Variants in DIP2C observed in about 807,000 individuals in gnomAD.
The protein encoded by DIP2C is disco-interacting protein 2 homolog C.
A neutral mutation model predicts 192.4 loss-of-function variants in DIP2C; 33 were observed. The ratio of observed to expected loss-of-function variants is 0.17; its 90% CI spans 0.13 to 0.23. The LOEUF (loss-of-function observed/expected upper bound fraction) is 0.23. Among genes scored for constraint, DIP2C ranks in the 10% least tolerant of loss-of-function variants. DIP2C has a pLI of 1.00. For synonymous variants in DIP2C, 979 were observed against 864.1 expected (o/e 1.13, Z -2.33); for missense variants, 1,537 against 2,110.1 (o/e 0.73, Z 5.32).
chr10:469,838 T>C (rs899734715), intron 3 of DIP2C, among the ~76,000 whole-genome samples: 1 of 152,224 alleles, frequency 6.6e-6, no homozygotes, highest in Admixed American at 6.5e-5. Context: ...CAGCCGCTCC[T>C]ACCTAACTTC....
At chr10:467,569 A>G (rs1394061978) in intron 3 of DIP2C, among the ~76,000 whole-genome samples, 8 of 146,158 alleles carry the variant, frequency 5.5e-5, no homozygotes, top group Non-Finnish European at 8.9e-5. Flanking sequence ...TAAGTGTAAA[A>G]AAAAAAAAAA....
At chr10:662,420 T>C (rs3853290) in intron 1 of DIP2C, among the ~76,000 whole-genome samples, 137,840 of 152,304 alleles carry the variant, frequency 0.91, 62,964 homozygotes, top group South Asian at 0.97. Context: ...CTCCTGGATG[T>C]TCAAGGTGAC....
At chr10:670,530 G>A (rs1830581943) in intron 1 of DIP2C, among the ~76,000 whole-genome samples, 1 of 152,142 alleles carries the variant, frequency 6.6e-6, no homozygotes, top group South Asian at 2.1e-4. Context: ...ATAGGGGGAC[G>A]GCTGCACATC....
At chr10:504,890 A>C (rs1299240447) in intron 1 of DIP2C, among the ~76,000 whole-genome samples, 2 of 152,130 alleles carry the variant, frequency 1.3e-5, no homozygotes, top group African/African-American at 4.8e-5. Flanking sequence ...TCATACTCAG[A>C]GAAGAGGTGA....
intron 31 of DIP2C, among the ~76,000 whole-genome samples, chr10:325,934 C>T (rs1377850693): frequency 6.6e-6 from 1 of 152,116 alleles, no homozygotes; most frequent in Non-Finnish European, 1.5e-5. Flanking sequence ...GTAATCCCAG[C>T]ACTTTGGGAG....
chr10:472,871 G>A (rs114077488), intron 2 of DIP2C, among the ~76,000 whole-genome samples: 2,362 of 152,300 alleles, frequency 0.016, 65 homozygotes, highest in African/African-American at 0.054. Context: ...CAGGGCCCAA[G>A]ACATAGACTC....
At chr10:328,412 T>C (rs1404696150) in intron 30 of DIP2C, among the ~76,000 whole-genome samples, 6 of 152,154 alleles carry the variant, frequency 3.9e-5, no homozygotes, top group African/African-American at 9.7e-5. Flanking sequence ...ATGGAGACAA[T>C]AAGGGCTCCT....
chr10:370,841 G>C (rs1408939702), intron 17 of DIP2C, among the ~76,000 whole-genome samples: 1 of 152,090 alleles, frequency 6.6e-6, no homozygotes, highest in Admixed American at 6.5e-5. Flanking sequence ...AGACATAAAT[G>C]GGGAAACATA....
chr10:362,621 G>A lies in DIP2C; in HGVS notation c.2663C>T (p.Thr888Ile). The A allele has an allele frequency of 6.2e-7, 1 of 1,614,162 alleles. No individual in the cohort carries two copies. The highest frequency in any genetic ancestry group is 8.5e-7 in the Non-Finnish European group (1 of 1,180,028). The stretch of plus-strand genomic sequence containing the variant: ...TGATAAATGGATCCCACCAAGCGGG[G>A]TTTTGGGGAGGGTGTTTGCTGGCAC... Reference protein sequence around the residue: ...ALVPANTLPKTPLGGIHLSET... With the variant: ...ALVPANTLPKIPLGGIHLSET... Residue 888 changes from threonine to isoleucine, a missense_variant, in exon 22 of 37, where the codon ACC becomes ATC. Thr to Ile is a moderately conservative substitution (Grantham distance 89, BLOSUM62 -1). Around this residue, in one of 4 missense-constraint regions of DIP2C, gnomAD observed 677 missense variants for 989.9 expected, o/e 0.68. Coordinates refer to ENST00000280886, the MANE Select transcript of DIP2C (RefSeq NM_014974.3).
chr10:333,832 C>A (rs986172538), intron 29 of DIP2C, among the ~76,000 whole-genome samples: 1 of 152,174 alleles, frequency 6.6e-6, no homozygotes, highest in African/African-American at 2.4e-5. Flanking sequence ...CCTGTGTTTT[C>A]GGTGACAGCA....
chr10:543,227 AT>A (rs1848103387), intron 1 of DIP2C, among the ~76,000 whole-genome samples: 1 of 152,206 alleles, frequency 6.6e-6, no homozygotes. Flanking sequence ...GGGCTGAACC[AT>A]GCTTCCCACT....
chr10:479,808 C>T (rs556036942), intron 2 of DIP2C, among the ~76,000 whole-genome samples: 7 of 152,324 alleles, frequency 4.6e-5, no homozygotes, highest in South Asian at 2.1e-4. Context: ...GCATCTCATC[C>T]GCCAGCCTGA....
intron 13 of DIP2C, among the ~76,000 whole-genome samples, chr10:389,302 A>G (rs1446723790): frequency 6.6e-6 from 1 of 151,914 alleles, no homozygotes; most frequent in African/African-American, 2.4e-5. Context: ...CAGGCCACCA[A>G]TGGGGGGAGT....
Position 387,666 on chromosome 10 carries a change from G to A in DIP2C, c.1662+79C>T, listed in dbSNP as rs1016892144. The A allele has an allele frequency of 3.3e-6, 4 of 1,207,108 alleles. No homozygotes were observed. The African/African-American group carries it at 4.6e-5, about 14-fold the overall frequency. The allele number at this position is 1,207,108 out of a possible 1,614,324, so 74.8% of individuals were successfully genotyped here. A position where few individuals can be genotyped will look rare whatever the true frequency, so the allele number is the denominator to read the frequency against. On this transcript the variant is annotated intron_variant, in intron 14 of 36. Transcript: ENST00000280886. Reference sequence around the variant, plus strand: ...CCTGTGTGGACAGACAGTATGGGGAGGGGGACTCCTGTGTGGACAGGCAGG... The same window carrying A: ...CCTGTGTGGACAGACAGTATGGGGAAGGGGACTCCTGTGTGGACAGGCAGG...
intron 3 of DIP2C, among the ~76,000 whole-genome samples, chr10:442,246 T>G (rs1358071381): frequency 6.6e-6 from 1 of 152,170 alleles, no homozygotes; most frequent in Non-Finnish European, 1.5e-5. Flanking sequence ...CAGACATGTC[T>G]TTCCTGCTTA....
intron 14 of DIP2C, 84 bp downstream of exon 14, chr10:387,660 TG>T (rs1469930366): frequency 1.3e-6 from 1 of 776,740 alleles, no homozygotes; most frequent in South Asian, 1.4e-5. Context: ...ACAGACAGTA[TG>T]GGGAGGGGGA....
chr10:431,646 T>C (rs994372728), intron 4 of DIP2C, among the ~76,000 whole-genome samples: 4 of 152,212 alleles, frequency 2.6e-5, no homozygotes, highest in African/African-American at 9.6e-5. Flanking sequence ...TATATTAAAC[T>C]CAATTCTTTT....
At chr10:518,949 G>A (rs892206085) in intron 1 of DIP2C, among the ~76,000 whole-genome samples, 5 of 152,226 alleles carry the variant, frequency 3.3e-5, no homozygotes, top group Admixed American at 6.5e-5. Flanking sequence ...CATGGTGGCC[G>A]TGTCAAACTC....
At chr10:515,311 A>G (rs968771795) in intron 1 of DIP2C, among the ~76,000 whole-genome samples, 3 of 152,252 alleles carry the variant, frequency 2.0e-5, no homozygotes, top group African/African-American at 7.2e-5. Context: ...TGTGGCCTAT[A>G]TTTTTAACAT....
Sources: allele counts gnomAD v4.1 joint callset (sites outside exome capture counted in the v4.1 genomes callset), GRCh38; gene constraint gnomAD v4.1.1; regional missense constraint gnomAD v4.1.1; transcripts MANE v1.5; gene names NCBI Gene and HGNC (gene_info 2026-07-23, HGNC 2026-07-21).